Variants in ZFPM2 observed in about 807,000 individuals in gnomAD.
The protein encoded by ZFPM2 is zinc finger protein ZFPM2.
ZFPM2 carries 20 observed loss-of-function variants against 98.6 expected under a neutral mutation model. The ratio of observed to expected loss-of-function variants is 0.20; its 90% confidence interval spans 0.14 to 0.29. The LOEUF (loss-of-function observed/expected upper bound fraction) is 0.29. ZFPM2 is among the 10% of genes least tolerant of loss of function. The probability of loss-of-function intolerance (pLI) is 1.00; values close to 1 mark genes in which losing one functional copy is unlikely to be tolerated. For synonymous variants in ZFPM2, 518 were observed against 502.7 expected, an observed-to-expected ratio of 1.03 and a Z score of -0.41; for missense variants, 1,310 against 1,388.6, an observed-to-expected ratio of 0.94 and a Z score of 0.90.
rs764973573 is a variant in ZFPM2 at position 105,561,501 on chromosome 8, T to A, written c.420+20T>A. On this transcript the variant is annotated intron_variant, in intron 4 of 7. Coordinates refer to ENST00000407775, the MANE Select transcript of ZFPM2 (RefSeq NM_012082.4). ...TCTTTGGTATGTGGATATTCCGAGA[T>A]GGTTAATATTTTGTCATCGACTGTT... The A allele has an allele frequency of 5.1e-6, 8 of 1,558,166 alleles. No individual in the cohort carries two copies. The highest frequency in any genetic ancestry group is 1.8e-5 in the Admixed American group (1 of 56,702).
intron 1 of ZFPM2, among the ~76,000 whole-genome samples, chr8:105,389,056 GTGTA>G (rs1811057304): frequency 7.0e-6 from 1 of 142,850 alleles, no homozygotes; most frequent in South Asian, 2.3e-4. Flanking sequence ...GTGTGTGTGT[GTGTA>G]GGCATGAGGG....
chr8:105,562,075 G>A (rs1815150085), intron 4 of ZFPM2, among the ~76,000 whole-genome samples: 1 of 152,058 alleles, frequency 6.6e-6, no homozygotes, highest in African/African-American at 2.4e-5. Context: ...GGAGGCTGAG[G>A]CAGGTGGATC....
At chr8:105,636,871 C>T (rs1322199247) in intron 5 of ZFPM2, among the ~76,000 whole-genome samples, 1 of 152,190 alleles carries the variant, frequency 6.6e-6, no homozygotes, top group Admixed American at 6.6e-5. Flanking sequence ...GTAATAACTA[C>T]TGCGTATGCT....
At chr8:105,371,083 A>G (rs1810613709) in intron 1 of ZFPM2, among the ~76,000 whole-genome samples, 2 of 152,204 alleles carry the variant, frequency 1.3e-5, no homozygotes, top group South Asian at 4.1e-4. Flanking sequence ...CCTGAATTCA[A>G]GATGTTAGGT....
chr8:105,551,450 C>T (rs574280385), intron 3 of ZFPM2, among the ~76,000 whole-genome samples: 2 of 152,216 alleles, frequency 1.3e-5, no homozygotes, highest in South Asian at 2.1e-4. Context: ...TTTAAAGACA[C>T]ATGGTACTTG....
chr8:105,534,153 C>T (rs1459468644), intron 3 of ZFPM2, among the ~76,000 whole-genome samples: 2 of 65,432 alleles, frequency 3.1e-5, no homozygotes, highest in Admixed American at 1.6e-4. Context: ...CTTCCTTCCT[C>T]CCTCCTTTCT....
At chr8:105,534,146 C>T (rs1217377696) in intron 3 of ZFPM2, among the ~76,000 whole-genome samples, 1 of 73,102 alleles carries the variant, frequency 1.4e-5, no homozygotes, top group Non-Finnish European at 2.7e-5. Flanking sequence ...TTCCTTTCTT[C>T]CTTCCTCCCT....
intron 6 of ZFPM2, among the ~76,000 whole-genome samples, chr8:105,792,833 T>C (rs1025018776): frequency 1.5e-4 from 23 of 152,354 alleles, no homozygotes; most frequent in Non-Finnish European, 2.6e-4. Context: ...CCTTTACCAT[T>C]ATGTAATGGC....
intron 3 of ZFPM2, among the ~76,000 whole-genome samples, chr8:105,514,960 T>C (rs776806898): frequency 6.6e-6 from 1 of 152,164 alleles, no homozygotes; most frequent in Non-Finnish European, 1.5e-5. Flanking sequence ...TAGAGGTACA[T>C]AGCAATTAAG....
intron 1 of ZFPM2, among the ~76,000 whole-genome samples, chr8:105,328,802 T>C (rs187987724): frequency 3.4e-4 from 51 of 151,958 alleles, no homozygotes; most frequent in Middle Eastern, 3.4e-3. Context: ...CTGCTTACAT[T>C]GACATAAAAA....
At chr8:105,768,300 A>G (rs2131085505) in intron 5 of ZFPM2, among the ~76,000 whole-genome samples, 1 of 152,120 alleles carries the variant, frequency 6.6e-6, no homozygotes, top group Non-Finnish European at 1.5e-5. Context: ...ATGTAGAAGC[A>G]TCTGTTAAAA....
At chr8:105,400,953 G>A (rs924448843) in intron 1 of ZFPM2, among the ~76,000 whole-genome samples, 1 of 151,756 alleles carries the variant, frequency 6.6e-6, no homozygotes, top group Non-Finnish European at 1.5e-5. Flanking sequence ...CTGCTCTAGG[G>A]AGTCTTTTTT....
At chr8:105,525,888 A>G (rs566679528) in intron 3 of ZFPM2, among the ~76,000 whole-genome samples, 1 of 152,314 alleles carries the variant, frequency 6.6e-6, no homozygotes, top group South Asian at 2.1e-4. Flanking sequence ...CTACATTTTG[A>G]ATGATGGTCA....
intron 3 of ZFPM2, among the ~76,000 whole-genome samples, chr8:105,447,905 C>T (rs535340276): frequency 1.3e-5 from 2 of 152,062 alleles, no homozygotes; most frequent in Non-Finnish European, 2.9e-5. Context: ...TGTTATTCAA[C>T]TAAAAGATAT....
At chr8:105,381,521 C>T (rs761902640) in intron 1 of ZFPM2, among the ~76,000 whole-genome samples, 2 of 152,098 alleles carry the variant, frequency 1.3e-5, no homozygotes, top group Admixed American at 1.3e-4. Flanking sequence ...CCCAAAACAC[C>T]TAACACAAGT....
At chr8:105,472,603 C>A (rs1200843653) in intron 3 of ZFPM2, among the ~76,000 whole-genome samples, 1 of 152,052 alleles carries the variant, frequency 6.6e-6, no homozygotes, top group Non-Finnish European at 1.5e-5. Flanking sequence ...CCCGGGTTCA[C>A]ACCATTCTCC....
At chr8:105,403,043 AG>A (rs1811371350) in intron 1 of ZFPM2, among the ~76,000 whole-genome samples, 1 of 151,928 alleles carries the variant, frequency 6.6e-6, no homozygotes, top group African/African-American at 2.4e-5. Context: ...GTAGAGTGCT[AG>A]TTTTGAGTTT....
chr8:105,321,464 A>G (rs1400108224), intron 1 of ZFPM2, among the ~76,000 whole-genome samples: 2 of 152,226 alleles, frequency 1.3e-5, no homozygotes, highest in African/African-American at 4.8e-5. Context: ...GGAAATGTCC[A>G]GGATTAGAAA....
At chr8:105,799,658 A>AT (rs1275459879) in intron 7 of ZFPM2, among the ~76,000 whole-genome samples, 2 of 152,162 alleles carry the variant, frequency 1.3e-5, no homozygotes, top group African/African-American at 4.8e-5. Context: ...TAATTATCAT[A>AT]TTTTTTAAAA....
Sources: gnomAD v4.1 joint callset for allele counts (sites outside exome capture counted in the v4.1 genomes callset) on GRCh38, gnomAD v4.1.1 for gene constraint, MANE v1.5 for transcripts, NCBI Gene and HGNC (gene_info 2026-07-23, HGNC 2026-07-21) for gene names.